LYZL4: variants seen among roughly 807,000 people sequenced by gnomAD.
LYZL4 encodes the protein lysozyme like 4, also known as lysozyme-like protein 4.
A neutral mutation model predicts 17.6 loss-of-function variants in LYZL4; 13 were observed. The observed-to-expected ratio is 0.74, with a 90% CI of 0.48 to 1.18. LYZL4 has a LOEUF of 1.18. Among genes scored for constraint, LYZL4 ranks in the 50% most tolerant of loss-of-function variants. The pLI, the probability that LYZL4 is intolerant of heterozygous loss-of-function variation, is 0.00. For synonymous variants in LYZL4, 64 were observed against 67.7 expected (o/e 0.95, Z 0.27); for missense variants, 174 against 188.2 (o/e 0.92, Z 0.44).
the LYZL4 span, among the ~76,000 whole-genome samples, chr3:42,379,647 C>A: frequency 3.9e-5 from 6 of 152,220 alleles, no homozygotes; most frequent in East Asian, 1.2e-3. Flanking sequence ...CTCTCCAGAA[C>A]TCTGCCATCA....
At chr3:42,403,796 A>C (rs1577155110) in intron 4 of LYZL4, among the ~76,000 whole-genome samples, 1 of 152,240 alleles carries the variant, frequency 6.6e-6, no homozygotes, top group East Asian at 1.9e-4. Context: ...GAAGATGTTC[A>C]TCCTAGCTTT....
At chr3:42,375,156 T>C in the LYZL4 span, among the ~76,000 whole-genome samples, 170 of 152,104 alleles carry the variant, frequency 1.1e-3, no homozygotes, top group Non-Finnish European at 4.0e-4. Context: ...TCCCCCCGCC[T>C]CCACAAGCAG....
chr3:42,382,717 T>C, the LYZL4 span, among the ~76,000 whole-genome samples: 3 of 151,962 alleles, frequency 2.0e-5, no homozygotes, highest in Admixed American at 6.6e-5. Flanking sequence ...GTCCCTACTC[T>C]GAACAGCCTC....
At chr3:42,387,441 A>G in the LYZL4 span, among the ~76,000 whole-genome samples, 1 of 152,224 alleles carries the variant, frequency 6.6e-6, no homozygotes, top group Non-Finnish European at 1.5e-5. Context: ...TGCCTCTCAC[A>G]GTAACAGTTT....
intron 1 of LYZL4, among the ~76,000 whole-genome samples, chr3:42,408,474 C>T (rs1366153395): frequency 2.6e-5 from 4 of 152,192 alleles, no homozygotes; most frequent in Admixed American, 2.0e-4. Flanking sequence ...GGCCTCACCC[C>T]GGGTGCCAAC....
chr3:42,376,229 C>T, the LYZL4 span, among the ~76,000 whole-genome samples: 26 of 152,216 alleles, frequency 1.7e-4, no homozygotes, highest in Non-Finnish European at 2.1e-4. Flanking sequence ...ATCCACCCTT[C>T]GCAGGGAGAA....
chr3:42,397,118 T>A lies in LYZL4; in HGVS notation c.*147A>T, dbSNP rs1297141423. On this transcript the variant is annotated 3_prime_UTR_variant, in exon 5 of 5. Coordinates refer to ENST00000287748, the MANE Select transcript of LYZL4 (RefSeq NM_144634.4). ...AGTTTGGTTTATTCTGCATCCTGCA[T>A]CCCCGGATGAAGCAAACTTTTGTCT... is the stretch of plus-strand genomic sequence containing the variant. 1 of 607,246 alleles carries A rather than the reference T, an allele frequency of 1.6e-6. No homozygotes were observed. The highest frequency in any genetic ancestry group is 1.8e-5 in the African/African-American group (1 of 54,476). The allele number at this position is 607,246 out of a possible 1,614,324, so 37.6% of individuals were successfully genotyped here. A position where few individuals can be genotyped will look rare whatever the true frequency, so the allele number is the denominator to read the frequency against.
At chr3:42,369,189 A>G in the LYZL4 span, among the ~76,000 whole-genome samples, 1 of 152,256 alleles carries the variant, frequency 6.6e-6, no homozygotes, top group Non-Finnish European at 1.5e-5. Context: ...TTTCTCAGTC[A>G]AAAGCCAACT....
chr3:42,394,099 A>T (rs1442083941), downstream of LYZL4, among the ~76,000 whole-genome samples: 1 of 152,100 alleles, frequency 6.6e-6, no homozygotes, highest in Non-Finnish European at 1.5e-5. Flanking sequence ...GGCCTGCCCC[A>T]AGTGATTTTT....
At chr3:42,373,878 A>AT in the LYZL4 span, among the ~76,000 whole-genome samples, 1 of 152,176 alleles carries the variant, frequency 6.6e-6, no homozygotes, top group Non-Finnish European at 1.5e-5. Context: ...GCAGACAGAA[A>AT]TAAAAATACA....
chr3:42,376,065 G>A, the LYZL4 span, among the ~76,000 whole-genome samples: 2 of 152,086 alleles, frequency 1.3e-5, no homozygotes, highest in Admixed American at 6.5e-5. Context: ...TCAAAACCAA[G>A]ATTCTACCCA....
chr3:42,403,171 A>C (rs568190248), intron 4 of LYZL4, among the ~76,000 whole-genome samples: 35 of 152,386 alleles, frequency 2.3e-4, no homozygotes, highest in African/African-American at 8.2e-4. Context: ...GAAAAAAATT[A>C]CAAAACAATA....
the LYZL4 span, among the ~76,000 whole-genome samples, chr3:42,378,783 G>A: frequency 1.3e-5 from 2 of 151,886 alleles, no homozygotes; most frequent in African/African-American, 4.8e-5. Flanking sequence ...CACTGTGCTG[G>A]TGACCCACAC....
chr3:42,395,957 G>A (rs182593272), downstream of LYZL4, among the ~76,000 whole-genome samples: 1 of 152,208 alleles, frequency 6.6e-6, no homozygotes, highest in East Asian at 1.9e-4. Context: ...AGCTACTCGG[G>A]AGGCTGAGTC....
At chr3:42,361,025 T>C in the LYZL4 span, among the ~76,000 whole-genome samples, 1 of 152,236 alleles carries the variant, frequency 6.6e-6, no homozygotes, top group African/African-American at 2.4e-5. Flanking sequence ...AAAAGCCATA[T>C]TCAGAGAAGT....
chr3:42,375,135 A>G, the LYZL4 span, among the ~76,000 whole-genome samples: 3 of 152,010 alleles, frequency 2.0e-5, no homozygotes, highest in Non-Finnish European at 2.9e-5. Flanking sequence ...TTGGTGCCTA[A>G]AAATCAAGGA....
the LYZL4 span, among the ~76,000 whole-genome samples, chr3:42,373,842 G>T: frequency 6.6e-6 from 1 of 152,016 alleles, no homozygotes; most frequent in African/African-American, 2.4e-5. Context: ...AATTTCAATG[G>T]ATTACTTGAG....
At chr3:42,390,789 C>G in the LYZL4 span, among the ~76,000 whole-genome samples, 1 of 152,088 alleles carries the variant, frequency 6.6e-6, no homozygotes, top group Non-Finnish European at 1.5e-5. Flanking sequence ...GGCAAATAAC[C>G]CTTGGCTGAT....
chr3:42,386,099 CT>C, the LYZL4 span, among the ~76,000 whole-genome samples: 4 of 151,344 alleles, frequency 2.6e-5, no homozygotes, highest in African/African-American at 4.8e-5. Flanking sequence ...CTCCTGCATC[CT>C]TTTTTTTTCT....
Sources: gnomAD v4.1 joint callset for allele counts (sites outside exome capture counted in the v4.1 genomes callset) on GRCh38, gnomAD v4.1.1 for gene constraint, MANE v1.5 for transcripts, NCBI Gene and HGNC (gene_info 2026-07-23, HGNC 2026-07-21) for gene names.